KATNA1: variants seen among roughly 807,000 people sequenced by gnomAD.
KATNA1 encodes the protein katanin p60 ATPase-containing subunit A1.
Under a neutral mutation model 62.6 loss-of-function variants are expected in KATNA1, and 42 were observed. The ratio of observed to expected loss-of-function variants is 0.67; its 90% CI spans 0.52 to 0.87. The LOEUF (loss-of-function observed/expected upper bound fraction) is 0.87. KATNA1 is among the 40% of genes least tolerant of loss of function. The pLI is 0.00. For synonymous variants in KATNA1, 186 were observed against 201.9 expected (o/e 0.92, Z 0.67); for missense variants, 498 against 612.5 (o/e 0.81, Z 1.97).
In KATNA1 at chr6:149,598,274, T is replaced by TCATG; in HGVS notation, c.964_965insCATG (p.Glu322AlafsTer2). 1 of 1,613,968 alleles carries TCATG rather than the reference T, an allele frequency of 6.2e-7. No individual in the cohort carries two copies. The highest frequency in any genetic ancestry group is 1.1e-5 in the South Asian group (1 of 91,072). On this transcript the variant is annotated stop_gained and frameshift_variant, in exon 8 of 11. Transcript: ENST00000367411. LOFTEE classifies it high-confidence loss of function. Reference sequence around the variant, plus strand: ...TTTCACCCTTCTGCTTGCTTCATGTTCTTCAGAAGTCCCTCGGCGACTACA... The same window carrying TCATG: ...TTTCACCCTTCTGCTTGCTTCATGTTCATGCTTCAGAAGTCCCTCGGCGACTACA...
At chr6:149,605,916 C>T (rs1018889471) in intron 4 of KATNA1, among the ~76,000 whole-genome samples, 5 of 152,030 alleles carry the variant, frequency 3.3e-5, no homozygotes, top group African/African-American at 1.2e-4. Context: ...AGGTGTGCAC[C>T]ACCACGCCCG....
At chr6:149,599,581 CTCTCCCT>C (rs140030676) in intron 7 of KATNA1, among the ~76,000 whole-genome samples, 22,462 of 151,814 alleles carry the variant, frequency 0.15, 1,893 homozygotes, top group Non-Finnish European at 0.19. Context: ...CCCCTCTCCC[CTCTCCCT>C]CTCTCTGTAA....
chr6:149,620,348 G>C (rs1288575164), intron 4 of KATNA1, among the ~76,000 whole-genome samples: 1 of 152,050 alleles, frequency 6.6e-6, no homozygotes, highest in Non-Finnish European at 1.5e-5. Flanking sequence ...TCCCAGGCTG[G>C]AGTGCAGTGG....
intron 4 of KATNA1, among the ~76,000 whole-genome samples, chr6:149,621,844 G>A (rs1042378459): frequency 1.3e-5 from 2 of 151,912 alleles, no homozygotes; most frequent in African/African-American, 4.8e-5. Context: ...TATCAGGCAA[G>A]CCCAAACTGA....
intron 10 of KATNA1, 94 bp from the exon 11 acceptor site, chr6:149,595,328 T>C: frequency 1.2e-6 from 1 of 820,678 alleles, no homozygotes; most frequent in Non-Finnish European, 1.9e-6. Flanking sequence ...TGATCTGTTG[T>C]AGCATTCTCT....
At chr6:149,605,323 A>G (rs939630687) in intron 4 of KATNA1, among the ~76,000 whole-genome samples, 2 of 152,226 alleles carry the variant, frequency 1.3e-5, no homozygotes, top group Non-Finnish European at 2.9e-5. Context: ...AGCATAAAAA[A>G]ATTAATACTG....
intron 1 of KATNA1, among the ~76,000 whole-genome samples, chr6:149,640,091 C>T (rs1185457413): frequency 6.6e-6 from 1 of 152,168 alleles, no homozygotes; most frequent in Non-Finnish European, 1.5e-5. Context: ...TGTGGAACTG[C>T]CATAGCAACT....
Position 149,594,878 on chromosome 6 carries a change from A to G in KATNA1, c.*158T>C. The G allele has an allele frequency of 1.8e-6, 1 of 551,372 alleles. No homozygotes were observed. The highest frequency in any genetic ancestry group is 3.1e-6 in the Non-Finnish European group (1 of 327,238). 34.2% of individuals were successfully genotyped at this position (551,372 alleles called of 1,614,324 possible). A position where few individuals can be genotyped will look rare whatever the true frequency, so the allele number is the denominator to read the frequency against. ...TAATGCTAAAGTAAAACAAATTTTC[A>G]GCTTAAAAATATTGCCTTTATTCAG... On this transcript the variant is annotated 3_prime_UTR_variant, in exon 11 of 11. Transcript: ENST00000367411.
At chr6:149,623,602 G>A (rs1309854240) in intron 3 of KATNA1, among the ~76,000 whole-genome samples, 1 of 152,090 alleles carries the variant, frequency 6.6e-6, no homozygotes, top group Non-Finnish European at 1.5e-5. Flanking sequence ...GCCAGGCGTG[G>A]TGGTGTGCAC....
chr6:149,603,390 T>A lies in KATNA1; in HGVS notation c.624-17A>T. On this transcript the variant is annotated splice_polypyrimidine_tract_variant and intron_variant, in intron 5 of 10. Transcript: ENST00000367411. ...ATATCATCCCTGAAAGAGAAGACATTTTATTAACAACCCTTTAGATGATAC... is the reference window on the plus strand; with the variant it reads ...ATATCATCCCTGAAAGAGAAGACATATTATTAACAACCCTTTAGATGATAC... 2 of 1,241,484 alleles carry A rather than the reference T, an allele frequency of 1.6e-6. No individual in the cohort carries two copies. 76.9% of individuals were successfully genotyped at this position (1,241,484 alleles called of 1,614,324 possible). A position where few individuals can be genotyped will look rare whatever the true frequency, so the allele number is the denominator to read the frequency against.
In KATNA1 at chr6:149,597,642, C is replaced by T; in HGVS notation, c.1016-1G>A. On this transcript the variant is annotated splice_acceptor_variant, in intron 8 of 10. Transcript: ENST00000367411. LOFTEE classifies it high-confidence loss of function. ...TCATTTTCAGAAGTACCTCCAACAC[C>T]TAAAATAAGGGTAAGGGGAGAGTGA... is the stretch of plus-strand genomic sequence containing the variant. 3.1e-6 allele frequency: 5 copies of T among 1,613,216 alleles called. No individual in the cohort carries two copies. The highest frequency in any genetic ancestry group is 4.2e-6 in the Non-Finnish European group (5 of 1,179,454).
At chr6:149,648,313 C>A (rs1159502454) in intron 1 of KATNA1, among the ~76,000 whole-genome samples, 156 bp downstream of exon 1, 1 of 152,196 alleles carries the variant, frequency 6.6e-6, no homozygotes, top group Non-Finnish European at 1.5e-5. Flanking sequence ...GCCAAGTTAT[C>A]GTGGACAACA....
intron 3 of KATNA1, among the ~76,000 whole-genome samples, chr6:149,628,836 A>G (rs1449852007): frequency 1.3e-5 from 2 of 151,784 alleles, no homozygotes; most frequent in Admixed American, 1.3e-4. Context: ...AAAAAAGAAA[A>G]AAAAAAGAAT....
intron 2 of KATNA1, among the ~76,000 whole-genome samples, chr6:149,633,981 T>C (rs1779958178): frequency 2.7e-5 from 4 of 147,668 alleles, no homozygotes; most frequent in African/African-American, 1.0e-4. Flanking sequence ...AATAAATAAA[T>C]TGCATAACAG....
At position 149,594,974 on chromosome 6, in the gene KATNA1, G is replaced by C; in HGVS notation, c.*62C>G. 1 of 1,309,188 alleles carries C rather than the reference G, an allele frequency of 7.6e-7. No individual in the cohort carries two copies. Among genetic ancestry groups the C allele is most frequent in the South Asian group, 1.2e-5 (1 of 81,384 alleles). 81.1% of individuals were successfully genotyped at this position (1,309,188 alleles called of 1,614,324 possible). ...AAAAAAATATAGCACTCAGTACAATGAATTACTGCATTTAATATTCAAACA... is the reference window on the plus strand; with the variant it reads ...AAAAAAATATAGCACTCAGTACAATCAATTACTGCATTTAATATTCAAACA... On this transcript the variant is annotated 3_prime_UTR_variant, in exon 11 of 11. Coordinates refer to ENST00000367411, the MANE Select transcript of KATNA1 (RefSeq NM_007044.4).
At chr6:149,646,177 A>G (rs914862722) in intron 1 of KATNA1, among the ~76,000 whole-genome samples, 3 of 152,190 alleles carry the variant, frequency 2.0e-5, no homozygotes, top group Non-Finnish European at 2.9e-5. Context: ...CAAAAATAAG[A>G]CAGAATTAGA....
At position 149,597,693 on chromosome 6, in the gene KATNA1, A is replaced by T. The variant is rs138378309; in HGVS notation, c.1016-52T>A. ...AAAAGATATTAAGTTGGATTATACCAAATGAAGCTCAGCTATTTAAAGATC... is the reference window on the plus strand; with the variant it reads ...AAAAGATATTAAGTTGGATTATACCTAATGAAGCTCAGCTATTTAAAGATC... On this transcript the variant is annotated intron_variant, in intron 8 of 10. Transcript: ENST00000367411. 4,748 of 1,534,574 alleles carry T rather than the reference A, an allele frequency of 3.1e-3. 25 individuals carry two copies. Among genetic ancestry groups the T allele is most frequent in the South Asian group, 0.011 (927 of 86,102 alleles).
chr6:149,628,264 AT>A lies in KATNA1; in HGVS notation c.320+4494del, dbSNP rs554916406. ...AGGTGCCTGTCACCATGCCCGGCTA[AT>A]TTTTTTTTTTTTTTTTTGTATTTTT... is the stretch of plus-strand genomic sequence containing the variant. On this transcript the variant is annotated intron_variant, in intron 3 of 10. Transcript: ENST00000367411. Among the ~76,000 whole-genome samples the A allele has an allele frequency of 9.2e-3, 1,190 of 129,538 alleles. 10 individuals carry two copies. The highest frequency in any genetic ancestry group is 0.028 in the African/African-American group (955 of 34,680). The allele number at this position is 129,538 out of a possible 152,430, so 85.0% of individuals were successfully genotyped here.
chr6:149,636,601 T>C (rs968366151), intron 2 of KATNA1, among the ~76,000 whole-genome samples: 4 of 151,916 alleles, frequency 2.6e-5, no homozygotes, highest in Non-Finnish European at 5.9e-5. Context: ...GAATCTGAGG[T>C]ATAATATTCT....
Sources: allele counts gnomAD v4.1 joint callset (sites outside exome capture counted in the v4.1 genomes callset), GRCh38; gene constraint gnomAD v4.1.1; transcripts MANE v1.5; gene names NCBI Gene and HGNC (gene_info 2026-07-23, HGNC 2026-07-21).